The following MTG2 variants were observed in gnomAD, a reference collection of about 807,000 sequenced individuals.
MTG2 encodes the protein mitochondrial ribosome-associated GTPase 2.
A neutral mutation model predicts 28.6 loss-of-function variants in MTG2; 23 were observed. The ratio of observed to expected loss-of-function variants is 0.80; its 90% CI spans 0.58 to 1.14. MTG2 has a LOEUF of 1.14. Among genes scored for constraint, MTG2 ranks in the 50% most tolerant of loss-of-function variants. The pLI is 0.00. For missense variants in MTG2, 539 were observed against 552.0 expected, an observed-to-expected ratio of 0.98 and a Z score of 0.24; for synonymous variants, 260 against 251.8, an observed-to-expected ratio of 1.03 and a Z score of -0.31.
At chr20:62,196,359 T>A (rs1601097378) in intron 3 of MTG2, among the ~76,000 whole-genome samples, 1 of 143,738 alleles carries the variant, frequency 7.0e-6, no homozygotes. Context: ...ACCCTATCTC[T>A]AAAAAAAAAA....
intron 1 of MTG2, among the ~76,000 whole-genome samples, chr20:62,190,332 T>G (rs1309263178): frequency 6.6e-6 from 1 of 152,218 alleles, no homozygotes; most frequent in African/African-American, 2.4e-5. Context: ...CTACGCAGTA[T>G]TTTTTTGTCT....
chr20:62,202,625 C>T lies in MTG2; in HGVS notation c.*1548C>T, dbSNP rs561591304. The T allele has an allele frequency of 2.6e-5, 4 of 151,986 alleles. No homozygotes were observed. The South Asian group carries it at 8.3e-4, about 32-fold the overall frequency. 9.4% of individuals were successfully genotyped at this position (151,986 alleles called of 1,614,324 possible). A position where few individuals can be genotyped will look rare whatever the true frequency, so the allele number is the denominator to read the frequency against. The stretch of plus-strand genomic sequence containing the variant: ...AAAATTAGCCAGGCGTGGTGGCGGT[C>T]ACCTGTAGTCCCAGCTACTCGGGAG... On this transcript the variant is annotated 3_prime_UTR_variant, in exon 7 of 7. Coordinates refer to ENST00000370823, the MANE Select transcript of MTG2 (RefSeq NM_015666.4).
rs2058201097 is a variant in MTG2, at chr20:62,203,071, CTT to C, written c.*1998_*1999del. On this transcript the variant is annotated 3_prime_UTR_variant, in exon 7 of 7. Coordinates refer to ENST00000370823, the MANE Select transcript of MTG2 (RefSeq NM_015666.4). ...CAGAGATGGGTTTTGCATCTATTTG[CTT>C]TTTCTTTCAGGCCGCCACAAAGGAT... is the stretch of plus-strand genomic sequence containing the variant. The C allele has an allele frequency of 1.3e-5, 2 of 152,224 alleles. No individual in the cohort carries two copies. The highest frequency in any genetic ancestry group is 4.1e-4 in the South Asian group (2 of 4,836). 9.4% of individuals were successfully genotyped at this position (152,224 alleles called of 1,614,324 possible). A position where few individuals can be genotyped will look rare whatever the true frequency, so the allele number is the denominator to read the frequency against.
At position 62,201,089 on chromosome 20, in the gene MTG2, C is replaced by T. The variant is rs762445306; in HGVS notation, c.*12C>T. 31 of 1,576,666 alleles carry T rather than the reference C, an allele frequency of 2.0e-5. No homozygotes were observed. Among genetic ancestry groups the T allele is most frequent in the Admixed American group, 8.8e-5 (5 of 56,814 alleles). On this transcript the variant is annotated 3_prime_UTR_variant, in exon 7 of 7. Transcript: ENST00000370823. ...CGCTCAGGTGGTAGCCACGCCAGAG[C>T]GGGGTCGCCTCTGGGCCTCTGTCTG...
intron 4 of MTG2, among the ~76,000 whole-genome samples, 153 bp from the exon 5 acceptor site, chr20:62,198,481 C>T (rs1345379523): frequency 2.6e-5 from 4 of 152,220 alleles, no homozygotes; most frequent in East Asian, 1.9e-4. Flanking sequence ...CCTTGTGCTC[C>T]GGAGCTGTTG....
At chr20:62,184,672 A>C (rs2057804076) in intron 1 of MTG2, among the ~76,000 whole-genome samples, 1 of 152,214 alleles carries the variant, frequency 6.6e-6, no homozygotes, top group Admixed American at 6.5e-5. Context: ...GCCAGGTCCC[A>C]GTAGGTTTTC....
intron 5 of MTG2, 63 bp downstream of exon 5, chr20:62,198,915 A>G (rs1002506266): frequency 1.3e-6 from 2 of 1,598,740 alleles, no homozygotes; most frequent in African/African-American, 2.7e-5. Flanking sequence ...CACTTTTCTC[A>G]ATGGGGATTT....
chr20:62,183,534 A>G (rs899460261), intron 1 of MTG2, among the ~76,000 whole-genome samples: 1 of 152,272 alleles, frequency 6.6e-6, no homozygotes, highest in Non-Finnish European at 1.5e-5. Flanking sequence ...AAAGTTTTGT[A>G]TTGTAAACGC....
intron 1 of MTG2, among the ~76,000 whole-genome samples, chr20:62,184,107 C>T (rs2057783670): frequency 6.6e-6 from 1 of 152,188 alleles, no homozygotes; most frequent in Non-Finnish European, 1.5e-5. Context: ...GCCTGTAATC[C>T]CAGAACTTTG....
chr20:62,200,340 G>T (rs2058142565), intron 6 of MTG2: 4 of 228,046 alleles, frequency 1.8e-5, no homozygotes, highest in Non-Finnish European at 2.5e-5. Context: ...GTAATCAAAT[G>T]ATTAGTAGAG....
Position 62,198,983 on chromosome 20 carries a change from CT to C in MTG2, c.687+132del, listed in dbSNP as rs2058111057. The C allele has an allele frequency of 7.2e-6, 11 of 1,530,042 alleles. No individual in the cohort carries two copies. In the Admixed American group the frequency reaches 1.9e-4, roughly 27 times the overall value. 94.8% of individuals were successfully genotyped at this position (1,530,042 alleles called of 1,614,324 possible). ...TCACCTTTTTCCCATCAGTACACTG[CT>C]GACTTGGTCGTGAGCATGAGCCCTT... On this transcript the variant is annotated intron_variant, in intron 5 of 6. Coordinates refer to ENST00000370823, the MANE Select transcript of MTG2 (RefSeq NM_015666.4).
intron 1 of MTG2, among the ~76,000 whole-genome samples, 194 bp from the exon 2 acceptor site, chr20:62,193,222 A>G (rs1267265338): frequency 1.3e-5 from 2 of 151,756 alleles, no homozygotes; most frequent in East Asian, 3.9e-4. Flanking sequence ...AGTCACAGAT[A>G]GGCTGACGGG....
chr20:62,198,503 T>A, intron 4 of MTG2, 131 bp from the exon 5 acceptor site: 1 of 922,036 alleles, frequency 1.1e-6, no homozygotes, highest in Non-Finnish European at 1.7e-6. Flanking sequence ...CAGAGGTGAG[T>A]GGGGCGGGCA....
intron 1 of MTG2, among the ~76,000 whole-genome samples, chr20:62,185,620 G>C (rs2057827770): frequency 6.6e-6 from 1 of 152,082 alleles, no homozygotes; most frequent in Non-Finnish European, 1.5e-5. Context: ...CTGGGAGTGA[G>C]ACAGAGTGAG....
In MTG2 at chr20:62,198,555, G is replaced by A. The variant is rs993315636; in HGVS notation, c.469-79G>A. 50 of 1,440,848 alleles carry A rather than the reference G, an allele frequency of 3.5e-5. 1 individual carries two copies. In the South Asian group the frequency reaches 5.1e-4, roughly 15 times the overall value. The allele number at this position is 1,440,848 out of a possible 1,614,324, so 89.3% of individuals were successfully genotyped here. The stretch of plus-strand genomic sequence containing the variant: ...TCCGCTCTTGTCTTCTTTCCTTAGC[G>A]CTTGCTTCAGGAATGGGTTAAGGCC... On this transcript the variant is annotated intron_variant, in intron 4 of 6. Transcript: ENST00000370823.
intron 6 of MTG2, chr20:62,200,329 A>G (rs1222352927): frequency 4.9e-6 from 1 of 205,184 alleles, no homozygotes; most frequent in African/African-American, 2.3e-5. Flanking sequence ...AATTTCTATC[A>G]GTAATCAAAT....
intron 1 of MTG2, among the ~76,000 whole-genome samples, chr20:62,192,477 G>A (rs2057979609): frequency 6.6e-6 from 1 of 152,178 alleles, no homozygotes; most frequent in African/African-American, 2.4e-5. Flanking sequence ...GCTTTCCAGA[G>A]CCCCTAGTTC....
At chr20:62,199,645 C>CAA (rs201555286) in intron 6 of MTG2, among the ~76,000 whole-genome samples, 10 of 70,838 alleles carry the variant, frequency 1.4e-4, no homozygotes, top group African/African-American at 3.8e-4. Flanking sequence ...AACTCCATCT[C>CAA]AAAAAAAAAA....
intron 1 of MTG2, among the ~76,000 whole-genome samples, chr20:62,185,893 A>G (rs909838047): frequency 2.0e-5 from 3 of 152,212 alleles, no homozygotes; most frequent in African/African-American, 7.2e-5. Context: ...TTCATCCGGC[A>G]GGGGAGAGAG....
Sources: allele counts gnomAD v4.1 joint callset (sites outside exome capture counted in the v4.1 genomes callset), GRCh38; gene constraint gnomAD v4.1.1; transcripts MANE v1.5; gene names NCBI Gene and HGNC (gene_info 2026-07-23, HGNC 2026-07-21).